Variants in ARB2A observed in about 807,000 individuals in gnomAD.
ARB2A encodes the protein ARB2 cotranscriptional regulator A.
the ARB2A span, among the ~76,000 whole-genome samples, chr5:93,828,374 C>A: frequency 1.3e-5 from 2 of 152,150 alleles, no homozygotes; most frequent in Admixed American, 6.5e-5. Context: ...GGAGTTCACT[C>A]ATGATTTGGC....
the ARB2A span, among the ~76,000 whole-genome samples, chr5:93,678,631 C>A: frequency 2.6e-5 from 4 of 152,052 alleles, no homozygotes; most frequent in Non-Finnish European, 5.9e-5. Flanking sequence ...TGGCAGGCGC[C>A]TGTAATCCCA....
At chr5:93,891,482 A>T in the ARB2A span, among the ~76,000 whole-genome samples, 1 of 152,112 alleles carries the variant, frequency 6.6e-6, no homozygotes, top group Non-Finnish European at 1.5e-5. Flanking sequence ...AACCTCAACA[A>T]TAATATACAA....
the ARB2A span, among the ~76,000 whole-genome samples, chr5:93,832,361 G>C: frequency 1.3e-5 from 2 of 152,116 alleles, no homozygotes; most frequent in African/African-American, 4.8e-5. Context: ...TCAATTCTAA[G>C]AGTCACTACT....
the ARB2A span, chr5:93,865,654 CA>C: frequency 3.0e-6 from 3 of 985,304 alleles, no homozygotes; most frequent in Non-Finnish European, 3.6e-6. Context: ...CTAGCTTTAT[CA>C]TCTATATTTA....
At chr5:94,044,123 C>G in the ARB2A span, among the ~76,000 whole-genome samples, 1 of 152,260 alleles carries the variant, frequency 6.6e-6, no homozygotes, top group South Asian at 2.1e-4. Flanking sequence ...GGTTGGGTAA[C>G]GTAAAAATCT....
chr5:93,740,486 A>G, the ARB2A span: 39 of 1,346,276 alleles, frequency 2.9e-5, no homozygotes, highest in Non-Finnish European at 4.0e-5. Context: ...AATTAATACT[A>G]AAAGCCCTCA....
chr5:93,664,028 C>T, the ARB2A span, among the ~76,000 whole-genome samples: 14 of 151,768 alleles, frequency 9.2e-5, no homozygotes, highest in African/African-American at 3.1e-4. Context: ...ATAATGTAGG[C>T]CTTATAAAAC....
At chr5:93,859,966 T>A in the ARB2A span, among the ~76,000 whole-genome samples, 2 of 152,306 alleles carry the variant, frequency 1.3e-5, no homozygotes, top group African/African-American at 4.8e-5. Flanking sequence ...CCAGGAGGCA[T>A]CTGAAGCCCA....
chr5:93,699,515 C>A, the ARB2A span, among the ~76,000 whole-genome samples: 1 of 152,162 alleles, frequency 6.6e-6, no homozygotes, highest in South Asian at 2.1e-4. Flanking sequence ...TGGAATCCCC[C>A]CTTCCCTCAG....
At chr5:93,647,704 A>G in the ARB2A span, among the ~76,000 whole-genome samples, 1 of 151,980 alleles carries the variant, frequency 6.6e-6, no homozygotes, top group East Asian at 1.9e-4. Context: ...TTGTATTTTT[A>G]GTAGAGATGG....
At chr5:94,085,789 T>A in the ARB2A span, among the ~76,000 whole-genome samples, 60 of 152,210 alleles carry the variant, frequency 3.9e-4, no homozygotes, top group African/African-American at 1.4e-3. Flanking sequence ...CAAAGATGAG[T>A]ATTACACAGT....
chr5:94,106,940 T>C, the ARB2A span, among the ~76,000 whole-genome samples: 1 of 142,244 alleles, frequency 7.0e-6, no homozygotes, highest in Admixed American at 7.0e-5. Context: ...ACATTAAGTA[T>C]ACATGGAGAA....
At chr5:93,727,696 T>G in the ARB2A span, among the ~76,000 whole-genome samples, 1 of 152,006 alleles carries the variant, frequency 6.6e-6, no homozygotes, top group Non-Finnish European at 1.5e-5. Context: ...CCTAACATGT[T>G]TCATTATATA....
the ARB2A span, among the ~76,000 whole-genome samples, chr5:93,912,902 CA>C: frequency 6.6e-6 from 1 of 151,430 alleles, no homozygotes; most frequent in African/African-American, 2.4e-5. Flanking sequence ...AAAGGAAGAC[CA>C]TTTTTTTAAA....
the ARB2A span, among the ~76,000 whole-genome samples, chr5:93,893,913 T>C: frequency 6.6e-6 from 1 of 152,162 alleles, no homozygotes; most frequent in African/African-American, 2.4e-5. Flanking sequence ...CCTGTAAAAC[T>C]TACAGACATT....
chr5:93,722,655 G>A, the ARB2A span, among the ~76,000 whole-genome samples: 2 of 152,084 alleles, frequency 1.3e-5, no homozygotes, highest in African/African-American at 2.4e-5. Context: ...TTGTTTATGT[G>A]TTGGTATCAC....
At chr5:93,913,482 C>T in the ARB2A span, among the ~76,000 whole-genome samples, 2 of 151,860 alleles carry the variant, frequency 1.3e-5, no homozygotes, top group Non-Finnish European at 2.9e-5. Flanking sequence ...ATACTAGAGC[C>T]AATAACGATA....
chr5:94,086,968 A>G, the ARB2A span, among the ~76,000 whole-genome samples: 1 of 152,196 alleles, frequency 6.6e-6, no homozygotes, highest in Non-Finnish European at 1.5e-5. Context: ...GTATTCCAGA[A>G]GAAGGCATTG....
chr5:94,085,731 T>C, the ARB2A span, among the ~76,000 whole-genome samples: 1 of 152,154 alleles, frequency 6.6e-6, no homozygotes, highest in Non-Finnish European at 1.5e-5. Context: ...GAAAAAAAAC[T>C]GTTCTCCAAT....
Sources: allele counts gnomAD v4.1 joint callset (sites outside exome capture counted in the v4.1 genomes callset), GRCh38; gene constraint gnomAD v4.1.1; transcripts MANE v1.5; gene names NCBI Gene and HGNC (gene_info 2026-07-23, HGNC 2026-07-21).